Variants in CCDC178 observed in about 807,000 individuals in gnomAD.
The protein encoded by CCDC178 is coiled-coil domain-containing protein 178.
CCDC178 carries 126 observed loss-of-function variants against 117.4 expected under a neutral mutation model. The ratio of observed to expected loss-of-function variants is 1.07; its 90% confidence interval spans 0.93 to 1.24. The LOEUF (loss-of-function observed/expected upper bound fraction) is 1.24, where lower values mean the gene tolerates loss of function less well. Among genes scored for constraint, CCDC178 ranks in the 50% most tolerant of loss-of-function variants. The probability of loss-of-function intolerance (pLI) is 0.00; values close to 1 mark genes in which losing one functional copy is unlikely to be tolerated. For missense variants in CCDC178, 1,030 were observed against 986.9 expected (o/e 1.04, Z -0.59); for synonymous variants, 283 against 313.4 (o/e 0.90, Z 1.02).
At chr18:33,147,332 T>C (rs1044724835) in intron 20 of CCDC178, among the ~76,000 whole-genome samples, 2 of 147,854 alleles carry the variant, frequency 1.4e-5, no homozygotes, top group Non-Finnish European at 3.0e-5. Flanking sequence ...AGAGAGAACC[T>C]ACTCCTGCAA....
intron 22 of CCDC178, among the ~76,000 whole-genome samples, chr18:32,962,469 G>A: frequency 6.6e-6 from 1 of 152,090 alleles, no homozygotes; most frequent in South Asian, 2.1e-4. Flanking sequence ...CCACTTTCAT[G>A]TATCTAAAAT....
At chr18:33,184,213 T>C (rs1427973328) in intron 20 of CCDC178, among the ~76,000 whole-genome samples, 1 of 152,108 alleles carries the variant, frequency 6.6e-6, no homozygotes, top group Non-Finnish European at 1.5e-5. Context: ...CAAGAGACTA[T>C]GCCTCTCTTG....
At chr18:33,185,002 T>C (rs974586535) in intron 20 of CCDC178, among the ~76,000 whole-genome samples, 1 of 151,882 alleles carries the variant, frequency 6.6e-6, no homozygotes, top group Non-Finnish European at 1.5e-5. Flanking sequence ...CCAAAAAGAC[T>C]CAAGTAAAGA....
At chr18:33,033,187 CA>C (rs2056379548) in intron 21 of CCDC178, among the ~76,000 whole-genome samples, 1 of 151,928 alleles carries the variant, frequency 6.6e-6, no homozygotes, top group Non-Finnish European at 1.5e-5. Context: ...CAACAACCTA[CA>C]AAAGGAATGA....
intron 18 of CCDC178, among the ~76,000 whole-genome samples, chr18:33,218,477 T>G (rs902761544): frequency 1.3e-5 from 2 of 152,186 alleles, no homozygotes; most frequent in African/African-American, 4.8e-5. Context: ...TTGTCTATTT[T>G]GGCTTTTGTT....
chr18:33,338,683 G>T (rs749119290), intron 9 of CCDC178, among the ~76,000 whole-genome samples: 42 of 152,122 alleles, frequency 2.8e-4, no homozygotes, highest in Non-Finnish European at 5.6e-4. Context: ...ACTCATAAGT[G>T]GGGGCTAAGA....
At chr18:33,057,149 G>A (rs1486270843) in intron 21 of CCDC178, among the ~76,000 whole-genome samples, 3 of 152,106 alleles carry the variant, frequency 2.0e-5, no homozygotes, top group Admixed American at 1.3e-4. Flanking sequence ...TGACTGACCT[G>A]GGGGACTATG....
intron 20 of CCDC178, among the ~76,000 whole-genome samples, chr18:33,149,472 T>C (rs190613444): frequency 6.6e-6 from 1 of 152,224 alleles, no homozygotes; most frequent in African/African-American, 2.4e-5. Context: ...CCTTTCCGTA[T>C]CCACACAGTA....
chr18:33,380,506 C>T (rs1568188827), intron 5 of CCDC178, among the ~76,000 whole-genome samples: 1 of 152,180 alleles, frequency 6.6e-6, no homozygotes, highest in Non-Finnish European at 1.5e-5. Context: ...TGTCTCTATG[C>T]CTCTTTCCAA....
chr18:33,420,161 A>C (rs2064004751), intron 2 of CCDC178, among the ~76,000 whole-genome samples: 1 of 152,140 alleles, frequency 6.6e-6, no homozygotes, highest in South Asian at 2.1e-4. Context: ...ATGGAGCTGG[A>C]GACTGTTAAA....
chr18:32,983,319 A>G (rs2144720690), intron 21 of CCDC178: 1 of 1,531,790 alleles, frequency 6.5e-7, no homozygotes, highest in Non-Finnish European at 8.7e-7. Context: ...ATTGGCAGAG[A>G]GTTTGGAAGT....
At chr18:33,368,159 C>A (rs974131368) in intron 6 of CCDC178, among the ~76,000 whole-genome samples, 1 of 151,980 alleles carries the variant, frequency 6.6e-6, no homozygotes, top group African/African-American at 2.4e-5. Flanking sequence ...TATTTGACTT[C>A]TCTATGCCCT....
At chr18:33,180,684 C>T (rs562552115) in intron 20 of CCDC178, among the ~76,000 whole-genome samples, 2 of 152,080 alleles carry the variant, frequency 1.3e-5, no homozygotes, top group African/African-American at 4.8e-5. Flanking sequence ...TAGCAACAAA[C>T]CTAAGAACAT....
chr18:33,158,664 C>A (rs1223330170), intron 20 of CCDC178, among the ~76,000 whole-genome samples: 1 of 151,892 alleles, frequency 6.6e-6, no homozygotes. Flanking sequence ...ATCATCTAAT[C>A]CAAATTCTTT....
chr18:33,311,498 G>A (rs369273847), intron 11 of CCDC178, among the ~76,000 whole-genome samples: 1 of 152,254 alleles, frequency 6.6e-6, no homozygotes, highest in African/African-American at 2.4e-5. Flanking sequence ...GAGAACCTCA[G>A]CTCCAGTGAG....
chr18:33,031,954 A>C (rs1280543824), intron 21 of CCDC178, among the ~76,000 whole-genome samples: 1 of 152,142 alleles, frequency 6.6e-6, no homozygotes, highest in Non-Finnish European at 1.5e-5. Context: ...AGAATGAATA[A>C]ATTTCATTAA....
chr18:33,399,030 T>C, intron 3 of CCDC178, among the ~76,000 whole-genome samples: 1 of 152,120 alleles, frequency 6.6e-6, no homozygotes, highest in East Asian at 1.9e-4. Context: ...TGAATCCCTG[T>C]CTTTACTAAA....
At chr18:33,130,205 T>C (rs913625104) in intron 20 of CCDC178, among the ~76,000 whole-genome samples, 21 of 151,950 alleles carry the variant, frequency 1.4e-4, no homozygotes, top group Admixed American at 2.0e-4. Context: ...TTTGGTGAGA[T>C]TGGTGAGATT....
chr18:32,989,900 C>T (rs2055352506), intron 21 of CCDC178, among the ~76,000 whole-genome samples: 1 of 152,116 alleles, frequency 6.6e-6, no homozygotes, highest in Non-Finnish European at 1.5e-5. Flanking sequence ...AGATAATTTA[C>T]TGTTAAGTTA....
Sources: allele counts gnomAD v4.1 joint callset (sites outside exome capture counted in the v4.1 genomes callset), GRCh38; gene constraint gnomAD v4.1.1; transcripts MANE v1.5; gene names NCBI Gene and HGNC (gene_info 2026-07-23, HGNC 2026-07-21).